ZNF382: variants seen among roughly 807,000 people sequenced by gnomAD.
ZNF382 encodes the protein KRAB/zinc finger suppressor protein 1.
ZNF382 carries 20 observed loss-of-function variants against 38.8 expected under a neutral mutation model. The observed-to-expected ratio is 0.51, with a 90% CI of 0.36 to 0.75. The LOEUF (loss-of-function observed/expected upper bound fraction) is 0.75, where lower values mean the gene tolerates loss of function less well. Among genes scored for constraint, ZNF382 ranks in the 30% least tolerant of loss-of-function variants. The pLI, the probability that ZNF382 is intolerant of heterozygous loss-of-function variation, is 0.00. For synonymous variants in ZNF382, 202 were observed against 223.1 expected (o/e 0.91, Z 0.84); for missense variants, 546 against 654.1 (o/e 0.83, Z 1.80).
chr19:36,623,384 A>G lies in ZNF382; in HGVS notation c.233-2746A>G, dbSNP rs1236203560. ...TATTATCAAATTGAGGACTTTACAT[A>G]GAATGATCGTGTTAAAATCTTAGGC... On this transcript the variant is annotated intron_variant, in intron 4 of 4. Transcript: ENST00000292928. Among the ~76,000 whole-genome samples the G allele has an allele frequency of 1.3e-5, 2 of 152,194 alleles. 1 individual carries two copies. Among genetic ancestry groups the G allele is most frequent in the Admixed American group, 1.3e-4 (2 of 15,268 alleles).
Position 36,619,729 on chromosome 19 carries a change from G to GT in ZNF382, c.233-6388dup, listed in dbSNP as rs66531552. Among the ~76,000 whole-genome samples, 881 of 147,802 alleles carry GT rather than the reference G, an allele frequency of 6.0e-3. 5 individuals are homozygous for GT. Among genetic ancestry groups the GT allele is most frequent in the Non-Finnish European group, 5.2e-3 (344 of 66,720 alleles). On this transcript the variant is annotated intron_variant, in intron 4 of 4. Transcript: ENST00000292928. Reference sequence around the variant, plus strand: ...GTTACACTATTCAGAAATTAAAAGAGTTTTTTTTTTTTTCTTTTTGAGATG... The same window carrying GT: ...GTTACACTATTCAGAAATTAAAAGAGTTTTTTTTTTTTTTCTTTTTGAGATG...
intron 4 of ZNF382, among the ~76,000 whole-genome samples, chr19:36,615,636 A>C (rs1600390778): frequency 6.6e-6 from 1 of 152,228 alleles, no homozygotes; most frequent in East Asian, 1.9e-4. Context: ...AACTGTTTTT[A>C]TAGCACATAC....
At chr19:36,619,741 T>C (rs2037154056) in intron 4 of ZNF382, among the ~76,000 whole-genome samples, 1 of 152,114 alleles carries the variant, frequency 6.6e-6, no homozygotes, top group South Asian at 2.1e-4. Context: ...TTTTTTTTTT[T>C]TCTTTTTGAG....
chr19:36,621,418 G>A (rs1229090525), intron 4 of ZNF382, among the ~76,000 whole-genome samples: 1 of 148,328 alleles, frequency 6.7e-6, no homozygotes. Flanking sequence ...CTGTTTTCAA[G>A]GGTGACAGGA....
At chr19:36,625,127 T>TATATATAA (rs1305998638) in intron 4 of ZNF382, among the ~76,000 whole-genome samples, 32 of 132,156 alleles carry the variant, frequency 2.4e-4, no homozygotes, top group Non-Finnish European at 4.5e-4. Flanking sequence ...TATATATATA[T>TATATATAA]AATGTATACA....
At chr19:36,612,419 G>T (rs1348154239) in intron 4 of ZNF382, among the ~76,000 whole-genome samples, 1 of 152,150 alleles carries the variant, frequency 6.6e-6, no homozygotes, top group Non-Finnish European at 1.5e-5. Flanking sequence ...AATCATTCTT[G>T]TAAAAATATT....
chr19:36,619,612 G>T (rs2037152636), intron 4 of ZNF382, among the ~76,000 whole-genome samples: 1 of 152,236 alleles, frequency 6.6e-6, no homozygotes, highest in African/African-American at 2.4e-5. Flanking sequence ...GAAGTGCCAG[G>T]TGAGAAGGTG....
chr19:36,619,893 G>A (rs1408698972), intron 4 of ZNF382, among the ~76,000 whole-genome samples: 2 of 151,872 alleles, frequency 1.3e-5, no homozygotes, highest in Non-Finnish European at 2.9e-5. Context: ...ACCATGCCCA[G>A]CTAATTTTTT....
intron 4 of ZNF382, among the ~76,000 whole-genome samples, chr19:36,614,899 C>G (rs1028795307): frequency 1.3e-5 from 1 of 79,506 alleles, no homozygotes; most frequent in South Asian, 3.9e-4. Context: ...CTTTCCTTTC[C>G]TTTCCTTTCC....
At chr19:36,625,693 G>T (rs2145335194) in intron 4 of ZNF382, among the ~76,000 whole-genome samples, 1 of 152,118 alleles carries the variant, frequency 6.6e-6, no homozygotes, top group South Asian at 2.1e-4. Context: ...CTGAGTAGCT[G>T]GGATTACAGG....
intron 4 of ZNF382, among the ~76,000 whole-genome samples, chr19:36,622,302 TGAGCCACCG>T (rs1323581975): frequency 2.6e-5 from 4 of 152,150 alleles, no homozygotes; most frequent in African/African-American, 9.7e-5. Flanking sequence ...ATTACAGGCA[TGAGCCACCG>T]GTGGCACCCG....
In ZNF382 at chr19:36,626,938, A is replaced by G. The variant is rs2037218828; in HGVS notation, c.1041A>G (p.Ile347Met). The change falls in exon 5 of 5, where the codon ATA becomes ATG. Residue 347 changes from isoleucine (I) to methionine (M), a missense_variant. Physicochemically the swap from Ile to Met is conservative, Grantham distance 10. Transcript: ENST00000292928. ...TALTLHEKTH[I>M]EGKPFICIDC... ...TCACCCTTCATGAGAAAACACATAT[A>G]GAGGGGAAACCCTTTATTTGTATCG... The G allele has an allele frequency of 6.2e-7, 1 of 1,614,096 alleles. No individual in the cohort carries two copies. The highest frequency in any genetic ancestry group is 1.3e-5 in the African/African-American group (1 of 74,936).
Position 36,627,420 on chromosome 19 carries a change from T to C in ZNF382, c.1523T>C (p.Ile508Thr). 1.2e-6 allele frequency: 2 copies of C among 1,613,994 alleles called. No individual in the cohort carries two copies. The highest frequency in any genetic ancestry group is 1.7e-6 in the Non-Finnish European group (2 of 1,179,998). The change falls in exon 5 of 5, where the codon ATT (isoleucine) becomes ACT (threonine). Residue 508 changes from isoleucine (I) to threonine (T), a missense_variant. Coordinates refer to ENST00000292928, the MANE Select transcript of ZNF382 (RefSeq NM_032825.5). ...GKAFSRKSNL[I>T]RHQKTHTGEK... ...GCCTTCAGTAGGAAATCAAACCTCA[T>C]TCGCCATCAGAAAACTCACACAGGC...
chr19:36,625,550 C>CTTTTT (rs55992712), intron 4 of ZNF382, among the ~76,000 whole-genome samples: 1 of 137,236 alleles, frequency 7.3e-6, no homozygotes, highest in Non-Finnish European at 1.6e-5. Flanking sequence ...GCTCACTTAT[C>CTTTTT]TTTTTTTTTT....
chr19:36,606,608 G>GC (rs1256109653), intron 1 of ZNF382, among the ~76,000 whole-genome samples: 1 of 139,282 alleles, frequency 7.2e-6, no homozygotes, highest in African/African-American at 2.7e-5. Context: ...CCCTCCCCCC[G>GC]CCCCCTCGGC....
intron 4 of ZNF382, among the ~76,000 whole-genome samples, chr19:36,612,618 T>C (rs943488260): frequency 6.6e-6 from 1 of 152,232 alleles, no homozygotes; most frequent in African/African-American, 2.4e-5. Flanking sequence ...CCCACGTTCT[T>C]TTCTACATTT....
intron 2 of ZNF382, chr19:36,609,700 T>A (rs191914755): frequency 8.2e-5 from 37 of 452,482 alleles, no homozygotes; most frequent in Non-Finnish European, 1.2e-4. Flanking sequence ...CATTTTGGTC[T>A]ACCAGGCAAC....
At chr19:36,611,781 A>G (rs115192089) in intron 4 of ZNF382, among the ~76,000 whole-genome samples, 1,528 of 152,178 alleles carry the variant, frequency 0.01, 33 homozygotes, top group African/African-American at 0.035. Context: ...AAGGGTTCCA[A>G]TTTCTTCACC....
chr19:36,621,554 A>C (rs1404214861), intron 4 of ZNF382, among the ~76,000 whole-genome samples: 4 of 151,806 alleles, frequency 2.6e-5, no homozygotes, highest in Non-Finnish European at 4.4e-5. Context: ...CATGGCTTCC[A>C]CATCAGCAGA....
Sources: gnomAD v4.1 joint callset for allele counts (sites outside exome capture counted in the v4.1 genomes callset) on GRCh38, gnomAD v4.1.1 for gene constraint, MANE v1.5 for transcripts, NCBI Gene and HGNC (gene_info 2026-07-23, HGNC 2026-07-21) for gene names.